Variants in CA5A observed in about 807,000 individuals in gnomAD.
CA5A encodes carbonic anhydrase 5A, mitochondrial.
Under a neutral mutation model 37.1 loss-of-function variants are expected in CA5A, and 28 were observed. That is an observed-to-expected ratio of 0.75 (90% CI 0.56 to 1.03). CA5A has a LOEUF of 1.03. Ranked by LOEUF, CA5A falls within the 50% of genes least tolerant of loss-of-function variation. CA5A has a pLI of 0.00. For synonymous variants in CA5A, 171 were observed against 158.4 expected, an observed-to-expected ratio of 1.08 and a Z score of -0.60; for missense variants, 444 against 399.9, an observed-to-expected ratio of 1.11 and a Z score of -0.94.
intron 1 of CA5A, among the ~76,000 whole-genome samples, chr16:87,931,700 C>G (rs938399531): frequency 2.0e-5 from 3 of 152,196 alleles, no homozygotes; most frequent in Non-Finnish European, 4.4e-5. Flanking sequence ...CAGCCCAGCA[C>G]AACCCTGCGG....
rs565557401 is a variant in CA5A, at chr16:87,899,919, C to CAAAAA, written c.618+1988_618+1992dup. 1.1e-3 allele frequency among the ~76,000 whole-genome samples: 52 copies of CAAAAA among 46,528 alleles called. 2 individuals are homozygous for CAAAAA. The highest frequency in any genetic ancestry group is 1.4e-3 in the Non-Finnish European group (37 of 25,826). The allele number at this position is 46,528 out of a possible 152,430, so 30.5% of individuals were successfully genotyped here. ...TGGGCAACAGAGCGAGATTTTATCT[C>CAAAAA]AAAAAAAAAAAAAAAAAAAAAAAAA... On this transcript the variant is annotated intron_variant, in intron 5 of 6. Transcript: ENST00000649794.
rs1567537810 is a variant in CA5A at position 87,928,755 on chromosome 16, TC to T, written c.143-1811del. Among the ~76,000 whole-genome samples, 343 of 130,036 alleles carry T rather than the reference TC, an allele frequency of 2.6e-3. 6 individuals are homozygous for T. Among genetic ancestry groups the T allele is most frequent in the African/African-American group, 0.01 (327 of 32,600 alleles). 85.3% of individuals were successfully genotyped at this position (130,036 alleles called of 152,430 possible). ...TATTCTCATCTGGATTATTTTCTTT[TC>T]TTTGTTTTTTTTTTTTTTTTTTTTT... On this transcript the variant is annotated intron_variant, in intron 1 of 6. Transcript: ENST00000649794.
intron 1 of CA5A, among the ~76,000 whole-genome samples, chr16:87,929,999 C>G (rs371934220): frequency 6.6e-6 from 1 of 151,612 alleles, no homozygotes; most frequent in East Asian, 1.9e-4. Flanking sequence ...TTCTACTCGT[C>G]AGTGTTAAAA....
chr16:87,895,393 A>C (rs532169839), intron 5 of CA5A, among the ~76,000 whole-genome samples: 2 of 152,108 alleles, frequency 1.3e-5, no homozygotes, highest in Non-Finnish European at 2.9e-5. Flanking sequence ...TAAAAATACA[A>C]AATTAGCCAG....
intron 5 of CA5A, among the ~76,000 whole-genome samples, chr16:87,894,414 AC>A (rs1349914613): frequency 1.3e-5 from 2 of 152,104 alleles, no homozygotes; most frequent in Non-Finnish European, 2.9e-5. Context: ...GAAGCTGGCA[AC>A]CCAGATGCCT....
intron 2 of CA5A, among the ~76,000 whole-genome samples, chr16:87,921,746 G>A (rs1329753256): frequency 2.0e-5 from 3 of 152,226 alleles, no homozygotes; most frequent in African/African-American, 7.2e-5. Flanking sequence ...GCCACGGACT[G>A]GCGGGATCAG....
chr16:87,889,440 A>G (rs1488883238), intron 6 of CA5A, among the ~76,000 whole-genome samples: 4 of 152,200 alleles, frequency 2.6e-5, no homozygotes, highest in African/African-American at 9.6e-5. Context: ...TAAATGCTAA[A>G]GTAACATTTG....
At chr16:87,901,187 G>A (rs879560355) in intron 5 of CA5A, among the ~76,000 whole-genome samples, 1 of 152,164 alleles carries the variant, frequency 6.6e-6, no homozygotes, top group Non-Finnish European at 1.5e-5. Context: ...CCAAGATCGC[G>A]CCACTGCATT....
At chr16:87,909,581 C>A (rs1203501148) in intron 2 of CA5A, among the ~76,000 whole-genome samples, 1 of 152,148 alleles carries the variant, frequency 6.6e-6, no homozygotes, top group African/African-American at 2.4e-5. Flanking sequence ...CCGCGCGGGG[C>A]GCACGCATTT....
intron 2 of CA5A, chr16:87,923,677 AATTT>A: frequency 1.0e-6 from 1 of 985,436 alleles, no homozygotes; most frequent in African/African-American, 1.7e-5. Flanking sequence ...TTGCCTTGGG[AATTT>A]ATTTTGTAAA....
downstream of CA5A, chr16:87,884,733 A>T (rs1417904322): frequency 6.6e-6 from 1 of 151,082 alleles, no homozygotes; most frequent in African/African-American, 2.4e-5. Context: ...CACTCCATCT[A>T]AAAAAAAGGA....
intron 2 of CA5A, among the ~76,000 whole-genome samples, chr16:87,914,319 C>G (rs1407342691): frequency 6.6e-6 from 1 of 152,192 alleles, no homozygotes; most frequent in African/African-American, 2.4e-5. Context: ...TCTCCTGCAT[C>G]CACAGTGATT....
intron 5 of CA5A, among the ~76,000 whole-genome samples, chr16:87,894,860 C>A (rs564946567): frequency 1.3e-5 from 2 of 151,884 alleles, no homozygotes; most frequent in East Asian, 3.9e-4. Context: ...GCCTGGGCAA[C>A]AGAGAGAGAG....
intron 2 of CA5A, among the ~76,000 whole-genome samples, chr16:87,908,946 C>G (rs1380565476): frequency 6.6e-6 from 1 of 151,934 alleles, no homozygotes; most frequent in Non-Finnish European, 1.5e-5. Flanking sequence ...GCCTCAGCCT[C>G]CCAAGTAGCT....
intron 2 of CA5A, among the ~76,000 whole-genome samples, chr16:87,910,647 G>A (rs1363109080): frequency 3.3e-5 from 5 of 152,090 alleles, no homozygotes; most frequent in Non-Finnish European, 5.9e-5. Context: ...GGGTGCTCTC[G>A]GCTCACTTCA....
intron 1 of CA5A, among the ~76,000 whole-genome samples, chr16:87,934,832 C>T (rs1015289220): frequency 2.6e-5 from 4 of 152,116 alleles, no homozygotes; most frequent in Non-Finnish European, 4.4e-5. Flanking sequence ...TGGTGGCACA[C>T]GCCTGTAGTC....
chr16:87,909,751 G>A (rs1408861615), intron 2 of CA5A, among the ~76,000 whole-genome samples: 15 of 152,300 alleles, frequency 9.8e-5, no homozygotes, highest in East Asian at 7.7e-4. Context: ...TGTAAATTCC[G>A]AAATTAGACC....
Position 87,928,756 on chromosome 16 carries a change from CTTTGTTTTTTT to C in CA5A, c.143-1822_143-1812del, listed in dbSNP as rs1440105791. Among the ~76,000 whole-genome samples the C allele has an allele frequency of 8.2e-3, 885 of 108,100 alleles. 29 individuals are homozygous for C. Among genetic ancestry groups the C allele is most frequent in the African/African-American group, 0.029 (811 of 28,340 alleles). 70.9% of individuals were successfully genotyped at this position (108,100 alleles called of 152,430 possible). A position where few individuals can be genotyped will look rare whatever the true frequency, so the allele number is the denominator to read the frequency against. ...ATTCTCATCTGGATTATTTTCTTTT[CTTTGTTTTTTT>C]TTTTTTTTTTTTTTTTTTTGAGACG... On this transcript the variant is annotated intron_variant, in intron 1 of 6. Transcript: ENST00000649794.
chr16:87,900,669 G>C (rs149329494), intron 5 of CA5A, among the ~76,000 whole-genome samples: 2 of 152,206 alleles, frequency 1.3e-5, no homozygotes, highest in African/African-American at 2.4e-5. Context: ...CCATCTTTTC[G>C]AGCTGCGCTG....
Sources: gnomAD v4.1 joint callset for allele counts (sites outside exome capture counted in the v4.1 genomes callset) on GRCh38, gnomAD v4.1.1 for gene constraint, MANE v1.5 for transcripts, NCBI Gene and HGNC (gene_info 2026-07-23, HGNC 2026-07-21) for gene names.